DNAH1: variants seen among roughly 807,000 people sequenced by gnomAD.
DNAH1 encodes axonemal beta dynein heavy chain 1.
DNAH1 carries 327 observed loss-of-function variants against 484.3 expected under a neutral mutation model. That is an observed-to-expected ratio of 0.68 (90% CI 0.62 to 0.74). The LOEUF (loss-of-function observed/expected upper bound fraction) is 0.74. Ranked by LOEUF, DNAH1 falls within the 30% of genes least tolerant of loss-of-function variation. DNAH1 has a pLI of 0.00. For synonymous variants in DNAH1, 2,192 were observed against 2,191.9 expected, an observed-to-expected ratio of 1.00 and a Z score of 0.00; for missense variants, 5,052 against 5,546.8, an observed-to-expected ratio of 0.91 and a Z score of 2.83.
At chr3:52,382,572 CAGAAG>C in intron 50 of DNAH1, 117 bp downstream of exon 50, 4 of 1,481,484 alleles carry the variant, frequency 2.7e-6, no homozygotes, top group Non-Finnish European at 3.6e-6. Context: ...GGGCAGATCT[CAGAAG>C]AGACCACCAG....
intron 6 of DNAH1, among the ~76,000 whole-genome samples, 163 bp from the exon 7 acceptor site, chr3:52,330,985 A>G (rs1051693470): frequency 2.6e-5 from 4 of 152,042 alleles, no homozygotes; most frequent in Non-Finnish European, 5.9e-5. Context: ...GGCTGGGAGG[A>G]AGCAGGGCCC....
At position 52,386,365 on chromosome 3, in the gene DNAH1, C is replaced by T. The variant is rs1421366857; in HGVS notation, c.8811+20C>T. ...ACCGAGGTGGGCAGCAGGGCATCTCCTGGCATTCCCTCTCATATGCCTCTG... is the reference window on the plus strand; with the variant it reads ...ACCGAGGTGGGCAGCAGGGCATCTCTTGGCATTCCCTCTCATATGCCTCTG... On this transcript the variant is annotated intron_variant, in intron 55 of 77. Transcript: ENST00000420323. The T allele has an allele frequency of 1.3e-6, 2 of 1,542,558 alleles. No individual in the cohort carries two copies. Among genetic ancestry groups the T allele is most frequent in the Admixed American group, 2.0e-5 (1 of 50,672 alleles).
At chr3:52,350,664 C>A in intron 16 of DNAH1, 74 bp downstream of exon 16, 1 of 1,360,016 alleles carries the variant, frequency 7.4e-7, no homozygotes, top group Non-Finnish European at 1.0e-6. Context: ...CAGAGGCTCC[C>A]AAATGCCCCA....
rs1478264138 is a variant in DNAH1 at position 52,344,607 on chromosome 3, C to T, written c.1404C>T (p.Val468=). Reference sequence around the variant, plus strand: ...CCAAGCCCGAGACCTTCTCCTACGTCACCCTCCCCAAGAAGGAGGAGGAGC... The same window carrying T: ...CCAAGCCCGAGACCTTCTCCTACGTTACCCTCCCCAAGAAGGAGGAGGAGC... The part of the protein sequence containing the change: ...VSSKPETFSY[V]TLPKKEEEQV... The change falls in exon 9 of 78, where the codon GTC becomes GTT. Residue 468 remains valine, a synonymous_variant. Transcript: ENST00000420323. The T allele has an allele frequency of 1.2e-6, 2 of 1,613,952 alleles. No individual in the cohort carries two copies. The highest frequency in any genetic ancestry group is 2.2e-5 in the East Asian group (1 of 44,882).
At position 52,357,669 on chromosome 3, in the gene DNAH1, A is replaced by G. The variant is rs1702670731; in HGVS notation, c.3914A>G (p.Lys1305Arg). 1 of 1,597,080 alleles carries G rather than the reference A, an allele frequency of 6.3e-7. No homozygotes were observed. The highest frequency in any genetic ancestry group is 8.5e-7 in the Non-Finnish European group (1 of 1,171,446). ...CTGGACAGCCTGCGGGACTGCAACA[A>G]GATTCTGGACCTGGTGCAGAAGGGC... is the stretch of plus-strand genomic sequence containing the variant. ...RMLDSLRDCN[K>R]ILDLVQKGLS... The change falls in exon 23 of 78, where the codon AAG becomes AGG. Residue 1305 changes from lysine (K) to arginine (R), a missense_variant. By Grantham distance (26) the Lys-to-Arg change is conservative. Transcript: ENST00000420323.
In DNAH1 at chr3:52,362,475, C is replaced by T. The variant is rs1702904518; in HGVS notation, c.5068C>T (p.Arg1690Cys). The T allele has an allele frequency of 5.0e-6, 8 of 1,613,860 alleles. No individual in the cohort carries two copies. The highest frequency in any genetic ancestry group is 6.8e-6 in the Non-Finnish European group (8 of 1,179,934). The change falls in exon 31 of 78, where the codon CGC becomes TGC. Residue 1690 changes from arginine (R) to cysteine (C), a missense_variant. This residue lies in a region of DNAH1 where 2,929 missense variants were observed against 3,409.4 expected (regional missense o/e 0.86). Transcript: ENST00000420323. This position sits in a 1 kb window ranked among gnomAD's most constrained non-coding sequence, Gnocchi z 5.1. Reference protein sequence around the residue: ...FITMNPGYAGRTELPDNLKAL... With the variant: ...FITMNPGYAGCTELPDNLKAL... ...CACCATGAACCCGGGCTACGCTGGCCGCACGGAGCTGCCTGACAATCTGAA... is the reference window on the plus strand; with the variant it reads ...CACCATGAACCCGGGCTACGCTGGCTGCACGGAGCTGCCTGACAATCTGAA...
chr3:52,347,742 C>A, intron 11 of DNAH1, 82 bp from the exon 12 acceptor site: 4 of 1,423,508 alleles, frequency 2.8e-6, no homozygotes. Context: ...AGAGTCATAG[C>A]GCTGGCAGGA....
intron 5 of DNAH1, 43 bp downstream of exon 5, chr3:52,326,934 G>A (rs1001391090): frequency 1.3e-6 from 2 of 1,590,916 alleles, no homozygotes; most frequent in Admixed American, 1.7e-5. Flanking sequence ...AGGGGCAGAA[G>A]TGCAGGACCC....
At chr3:52,320,389 C>A (rs1701100743) in intron 1 of DNAH1, among the ~76,000 whole-genome samples, 1 of 152,238 alleles carries the variant, frequency 6.6e-6, no homozygotes, top group South Asian at 2.1e-4. Context: ...GCCCGACTGG[C>A]TGGAGGCAGG....
chr3:52,363,941 C>T (rs1409608803), intron 32 of DNAH1, among the ~76,000 whole-genome samples: 1 of 152,044 alleles, frequency 6.6e-6, no homozygotes, highest in Non-Finnish European at 1.5e-5. Context: ...TCCCACACAC[C>T]CTTCTTTCCA....
At chr3:52,350,469 T>A (rs753406839) in intron 15 of DNAH1, 39 bp from the exon 16 acceptor site, 2 of 1,597,242 alleles carry the variant, frequency 1.3e-6, no homozygotes, top group Middle Eastern at 1.7e-4. Flanking sequence ...ACCACCTCCC[T>A]GGCACACGTG....
chr3:52,366,938 A>G, intron 36 of DNAH1, 51 bp downstream of exon 36: 8 of 1,566,384 alleles, frequency 5.1e-6, no homozygotes, highest in Non-Finnish European at 6.1e-6. Context: ...AGACCTCTGG[A>G]GGCTGTGGGC....
Position 52,355,417 on chromosome 3 carries a change from CA to C in DNAH1, c.3693+364del, listed in dbSNP as rs1318088907. The stretch of plus-strand genomic sequence containing the variant: ...CTGACACTTTCTGGGCCGGATGTCC[CA>C]AGGTCCCAGAGCACCTCAGTGCCCT... On this transcript the variant is annotated intron_variant, in intron 21 of 77. Transcript: ENST00000420323. The surrounding 1 kb of genome is among the most constrained non-coding windows in gnomAD (Gnocchi z 4.5). 3.9e-5 allele frequency among the ~76,000 whole-genome samples: 6 copies of C among 152,356 alleles called. 1 individual carries two copies. In the East Asian group the frequency reaches 1.2e-3, roughly 29 times the overall value.
In DNAH1 at chr3:52,391,742, C is replaced by A. The variant is rs549282092; in HGVS notation, c.10052+139C>A. On this transcript the variant is annotated intron_variant, in intron 63 of 77. Transcript: ENST00000420323. ...CCACCAGTTTCACCCCAGGCACTCA[C>A]ATTCGAAGCCTTTCTAGCACTTCCA... 4.0e-6 allele frequency: 4 copies of A among 1,001,246 alleles called. No individual in the cohort carries two copies. In the Admixed American group the frequency reaches 8.6e-5, roughly 21 times the overall value. 62.0% of individuals were successfully genotyped at this position (1,001,246 alleles called of 1,614,324 possible).
At chr3:52,360,734 T>C (rs572688252) in intron 28 of DNAH1, among the ~76,000 whole-genome samples, 1 of 152,146 alleles carries the variant, frequency 6.6e-6, no homozygotes. Flanking sequence ...ATCTAATGGG[T>C]ATGCACTTTC....
chr3:52,359,948 G>T lies in DNAH1; in HGVS notation c.4440G>T (p.Lys1480Asn), dbSNP rs1702785481. 1 of 1,613,764 alleles carries T rather than the reference G, an allele frequency of 6.2e-7. No homozygotes were observed. The highest frequency in any genetic ancestry group is 1.3e-5 in the African/African-American group (1 of 74,938). ...LSDLVALVRG[K>N]LSRMQRAVLS... ...ATCTGGTGGCCCTTGTGCGGGGGAA[G>T]CTGTCCCGCATGCAGCGGGCAGTGC... Residue 1480 changes from lysine (K) to asparagine (N), a missense_variant, in exon 27 of 78, where the codon AAG becomes AAT. Transcript: ENST00000420323.
rs765943027 is a variant in DNAH1 at position 52,353,366 on chromosome 3, G to A, written c.3227-14G>A. 2.0e-5 allele frequency: 32 copies of A among 1,609,026 alleles called. 1 individual carries two copies. In the Admixed American group the frequency reaches 5.0e-4, roughly 25 times the overall value. ...TGCCGCCTGCCTCTCATGCGTTTCT[G>A]TCTTACCCGGCAGCCTGCCAGGAAG... is the stretch of plus-strand genomic sequence containing the variant. On this transcript the variant is annotated splice_polypyrimidine_tract_variant and intron_variant, in intron 19 of 77. Coordinates refer to ENST00000420323, the MANE Select transcript of DNAH1 (RefSeq NM_015512.5). The surrounding 1 kb of genome is among the most constrained non-coding windows in gnomAD (Gnocchi z 5.0).
Position 52,389,541 on chromosome 3 carries a change from G to GAGACTC in DNAH1, c.9576_9577insAGACTC (p.Thr3192_Leu3193insArgLeu). 3.2e-6 allele frequency: 5 copies of GAGACTC among 1,569,324 alleles called. No homozygotes were observed. Among genetic ancestry groups the GAGACTC allele is most frequent in the Non-Finnish European group, 4.3e-6 (5 of 1,158,572 alleles). On this transcript the variant is annotated inframe_insertion, in exon 60 of 78. Coordinates refer to ENST00000420323, the MANE Select transcript of DNAH1 (RefSeq NM_015512.5). ...ATGTCCCACACACCTCCGAGCCCAC[G>GAGACTC]CTAATCGGGACGCTGGGGAACCCTG...
chr3:52,312,991 G>A (rs994212442), upstream of DNAH1, among the ~76,000 whole-genome samples: 2 of 152,132 alleles, frequency 1.3e-5, no homozygotes, highest in African/African-American at 4.8e-5. Flanking sequence ...GTTTCACCAT[G>A]TTGCCCACTG....
Sources: allele counts gnomAD v4.1 joint callset (sites outside exome capture counted in the v4.1 genomes callset), GRCh38; gene constraint gnomAD v4.1.1; regional missense constraint gnomAD v4.1.1; non-coding constraint Gnocchi (gnomAD v3.1); transcripts MANE v1.5; gene names NCBI Gene and HGNC (gene_info 2026-07-23, HGNC 2026-07-21).